The following PDE1C variants were observed in gnomAD, a reference collection of about 807,000 sequenced individuals.
PDE1C encodes the protein phosphodiesterase 1C, also known as dual specificity calcium/calmodulin-dependent 3',5'-cyclic nucleotide phosphodiesterase 1C.
PDE1C carries 62 observed loss-of-function variants against 93.1 expected under a neutral mutation model. That is an observed-to-expected ratio of 0.67 (90% CI 0.54 to 0.82). The LOEUF is 0.82. Among genes scored for constraint, PDE1C ranks in the 40% least tolerant of loss-of-function variants. The probability of loss-of-function intolerance (pLI) is 0.00; values close to 1 mark genes in which losing one functional copy is unlikely to be tolerated. For missense variants in PDE1C, 742 were observed against 884.6 expected (o/e 0.84, Z 2.04); for synonymous variants, 325 against 310.1 (o/e 1.05, Z -0.50).
the PDE1C span, among the ~76,000 whole-genome samples, chr7:31,623,499 A>G: frequency 1.3e-5 from 2 of 151,972 alleles, no homozygotes; most frequent in Non-Finnish European, 2.9e-5. Context: ...ACCAAAGACA[A>G]AAATGACACG....
intron 2 of PDE1C, among the ~76,000 whole-genome samples, chr7:32,041,724 C>T (rs535570183): frequency 7.2e-5 from 11 of 152,076 alleles, no homozygotes; most frequent in Non-Finnish European, 1.2e-4. Flanking sequence ...GAAAAAAGAA[C>T]CTGGTGGTGG....
chr7:32,324,238 C>T (rs185029021), intron 1 of PDE1C, among the ~76,000 whole-genome samples: 3 of 152,292 alleles, frequency 2.0e-5, no homozygotes, highest in East Asian at 3.9e-4. Flanking sequence ...AAAATGCTTA[C>T]TATTTGCTCT....
chr7:31,944,390 G>A (rs1046170979), intron 2 of PDE1C, among the ~76,000 whole-genome samples: 1 of 152,276 alleles, frequency 6.6e-6, no homozygotes, highest in South Asian at 2.1e-4. Flanking sequence ...ATACTTCAAG[G>A]TCCTTCTCCC....
the PDE1C span, chr7:31,643,185 T>C: frequency 2.5e-6 from 4 of 1,613,956 alleles, no homozygotes; most frequent in Admixed American, 5.0e-5. Flanking sequence ...ATGATCATAC[T>C]CAAGACAAGT....
chr7:32,068,415 G>A (rs554214585), intron 1 of PDE1C, among the ~76,000 whole-genome samples: 1 of 152,296 alleles, frequency 6.6e-6, no homozygotes, highest in South Asian at 2.1e-4. Flanking sequence ...AGAAGAAGAA[G>A]AAGTGGTAAG....
intron 16 of PDE1C, chr7:31,784,251 A>C (rs1388622758): frequency 6.6e-6 from 1 of 152,162 alleles, no homozygotes; most frequent in Non-Finnish European, 1.5e-5. Context: ...CTATGTATTT[A>C]ATGCATAGGG....
chr7:31,652,396 G>A, the PDE1C span: 1 of 1,404,364 alleles, frequency 7.1e-7, no homozygotes, highest in Non-Finnish European at 9.4e-7. Flanking sequence ...ATCTGCTGCT[G>A]GCTCAAAGAG....
chr7:31,789,812 T>C, intron 16 of PDE1C: 1 of 994,672 alleles, frequency 1.0e-6, no homozygotes, highest in African/African-American at 1.7e-5. Flanking sequence ...ACATTTAAAG[T>C]AACGGCATTG....
chr7:31,966,584 G>A (rs1037247779), intron 2 of PDE1C, among the ~76,000 whole-genome samples: 6 of 152,152 alleles, frequency 3.9e-5, no homozygotes. Context: ...CCCAGGAATT[G>A]AACTCAGCTC....
the PDE1C span, among the ~76,000 whole-genome samples, chr7:31,736,673 T>A: frequency 8.5e-5 from 13 of 152,360 alleles, no homozygotes; most frequent in African/African-American, 2.9e-4. Context: ...TGTGTTGTGA[T>A]CCTTCATGCA....
intron 2 of PDE1C, among the ~76,000 whole-genome samples, chr7:31,890,108 A>T (rs963213055): frequency 1.1e-4 from 16 of 152,260 alleles, no homozygotes; most frequent in Admixed American, 9.2e-4. Context: ...ATGAAAACCC[A>T]CTTGTTCTTC....
chr7:32,139,859 C>T (rs1563345858), intron 3 of PDE1C, among the ~76,000 whole-genome samples: 1 of 152,108 alleles, frequency 6.6e-6, no homozygotes, highest in Non-Finnish European at 1.5e-5. Flanking sequence ...CATCTATGAA[C>T]ATGATGCTTG....
the PDE1C span, among the ~76,000 whole-genome samples, chr7:31,706,381 A>G: frequency 6.6e-6 from 1 of 152,212 alleles, no homozygotes; most frequent in Admixed American, 6.5e-5. Context: ...ATAAGGTTGC[A>G]TTTCAAAAAC....
chr7:31,903,475 A>G (rs1800232463), intron 2 of PDE1C, among the ~76,000 whole-genome samples: 2 of 152,054 alleles, frequency 1.3e-5, no homozygotes, highest in Non-Finnish European at 2.9e-5. Context: ...GAAAAATTCT[A>G]AAGAACCAAC....
At chr7:31,657,293 T>C in the PDE1C span, among the ~76,000 whole-genome samples, 1 of 152,206 alleles carries the variant, frequency 6.6e-6, no homozygotes, top group South Asian at 2.1e-4. Flanking sequence ...GTCATGGCTC[T>C]GCCAAGCTTT....
chr7:31,988,806 C>T (rs6947473), intron 2 of PDE1C, among the ~76,000 whole-genome samples: 5 of 152,050 alleles, frequency 3.3e-5, no homozygotes, highest in African/African-American at 7.2e-5. Context: ...ACCATCCTGG[C>T]GCACATGGTG....
At chr7:32,205,802 T>G (rs961184864) in intron 2 of PDE1C, among the ~76,000 whole-genome samples, 6 of 152,130 alleles carry the variant, frequency 3.9e-5, no homozygotes, top group African/African-American at 1.4e-4. Context: ...CATGCCACCT[T>G]TAAGAGCTGT....
intron 3 of PDE1C, among the ~76,000 whole-genome samples, chr7:32,112,624 T>A (rs1367975911): frequency 6.3e-5 from 1 of 15,884 alleles, no homozygotes; most frequent in Non-Finnish European, 2.0e-4. Context: ...ATCTAGCTGC[T>A]TTTTTTTTTT....
At chr7:31,739,280 T>C in the PDE1C span, among the ~76,000 whole-genome samples, 2 of 151,806 alleles carry the variant, frequency 1.3e-5, no homozygotes, top group Admixed American at 1.3e-4. Context: ...CTCATCTTTA[T>C]ATGAGTGGAA....
Sources: gnomAD v4.1 joint callset for allele counts (sites outside exome capture counted in the v4.1 genomes callset) on GRCh38, gnomAD v4.1.1 for gene constraint, MANE v1.5 for transcripts, NCBI Gene and HGNC (gene_info 2026-07-23, HGNC 2026-07-21) for gene names.